Variants in CFAP70 observed in about 807,000 individuals in gnomAD.
CFAP70 encodes the protein cilia- and flagella-associated protein 70.
A neutral mutation model predicts 137.6 loss-of-function variants in CFAP70; 81 were observed. That is an observed-to-expected ratio of 0.59 (90% confidence interval 0.49 to 0.71). The LOEUF (loss-of-function observed/expected upper bound fraction) is 0.71. CFAP70 is among the 30% of genes least tolerant of loss of function. The probability of loss-of-function intolerance (pLI) is 0.00; values close to 1 mark genes in which losing one functional copy is unlikely to be tolerated. For missense variants in CFAP70, 976 were observed against 1,226.7 expected, an observed-to-expected ratio of 0.80 and a Z score of 3.05; for synonymous variants, 382 against 423.6, an observed-to-expected ratio of 0.90 and a Z score of 1.20.
chr10:73,293,483 C>A (rs530044053), intron 15 of CFAP70, 95 bp from the exon 17 acceptor site: 46 of 1,130,530 alleles, frequency 4.1e-5, no homozygotes, highest in Non-Finnish European at 5.6e-5. Context: ...CCAGTTATGA[C>A]GTCTAAAATG....
At chr10:73,348,504 A>C in exon 4 of CFAP70, 2 of 1,518,214 alleles carry the variant, frequency 1.3e-6, no homozygotes, top group South Asian at 2.7e-5. Context: ...TCCTTTGGTA[A>C]AACTTCAGTC....
chr10:73,333,469 C>T (rs368243296), intron 7 of CFAP70, among the ~76,000 whole-genome samples: 4 of 151,746 alleles, frequency 2.6e-5, no homozygotes, highest in African/African-American at 9.7e-5. Flanking sequence ...CTAGGCATAT[C>T]ATTTTCAAAC....
In CFAP70 at chr10:73,273,018, C is replaced by T; in HGVS notation, c.2836-1G>A. On this transcript the variant is annotated splice_acceptor_variant, in intron 23 of 26. Coordinates refer to ENST00000310715, the Ensembl canonical transcript of CFAP70. LOFTEE classifies it high-confidence loss of function. ...TATAGGTTTTCTTTGCCTTTTCATA[C>T]TGTAGAAAGAAAGCACCACTAAGCT... 3.2e-6 allele frequency: 5 copies of T among 1,549,294 alleles called. No homozygotes were observed. Among genetic ancestry groups the T allele is most frequent in the Non-Finnish European group, 4.4e-6 (5 of 1,146,228 alleles).
chr10:73,297,062 T>G, exon 15 of CFAP70: 2 of 1,613,796 alleles, frequency 1.2e-6, no homozygotes, highest in Non-Finnish European at 1.7e-6. Flanking sequence ...GCTACATGCA[T>G]CTGATCTACT....
intron 25 of CFAP70, among the ~76,000 whole-genome samples, chr10:73,262,733 G>T (rs1434059879): frequency 6.6e-6 from 1 of 152,160 alleles, no homozygotes; most frequent in Non-Finnish European, 1.5e-5. Flanking sequence ...TTTGTTACAG[G>T]TATCCACTGG....
chr10:73,293,444 G>T, intron 15 of CFAP70, 56 bp from the exon 17 acceptor site: 2 of 1,466,602 alleles, frequency 1.4e-6, no homozygotes, highest in Non-Finnish European at 1.8e-6. Flanking sequence ...AAGTAGAGAG[G>T]TTTCATAAGC....
At chr10:73,339,218 G>A (rs78745980) in intron 6 of CFAP70, among the ~76,000 whole-genome samples, 6,890 of 151,100 alleles carry the variant, frequency 0.046, 475 homozygotes, top group African/African-American at 0.15. Context: ...CCGCCCAGCC[G>A]AGATGACTAC....
Position 73,275,548 on chromosome 10 carries a change from G to A in CFAP70, c.2571C>T (p.Pro857=), listed in dbSNP as rs184670311. The change falls in exon 22 of 27, where the codon CCC becomes CCT. Residue 857 remains proline (P), a synonymous_variant. Coordinates refer to ENST00000310715, the Ensembl canonical transcript of CFAP70. This position sits in a 1 kb window ranked among gnomAD's most constrained non-coding sequence, Gnocchi z 4.0. ...CCAGCACCAAGTAATATTCACAGCTGGGGCCTCCTTGAGGGCATAACAGCT... is the reference window on the plus strand; with the variant it reads ...CCAGCACCAAGTAATATTCACAGCTAGGGCCTCCTTGAGGGCATAACAGCT... 30 of 1,611,118 alleles carry A rather than the reference G, an allele frequency of 1.9e-5. No individual in the cohort carries two copies. The highest frequency in any genetic ancestry group is 2.5e-5 in the Non-Finnish European group (30 of 1,178,866).
chr10:73,290,363 T>C lies in CFAP70; in HGVS notation c.2239+863A>G, dbSNP rs113265417. Among the ~76,000 whole-genome samples, 426 of 152,206 alleles carry C rather than the reference T, an allele frequency of 2.8e-3. 1 individual carries two copies. The highest frequency in any genetic ancestry group is 4.2e-3 in the Non-Finnish European group (284 of 68,012). ...CTAGAAAATGCAAACTTATCTATGATGATAGAAAGTAGACTAGTAGTTGTC... is the reference window on the plus strand; with the variant it reads ...CTAGAAAATGCAAACTTATCTATGACGATAGAAAGTAGACTAGTAGTTGTC... On this transcript the variant is annotated intron_variant, in intron 19 of 26. Transcript: ENST00000310715.
chr10:73,329,205 T>C (rs568570058), intron 8 of CFAP70, among the ~76,000 whole-genome samples: 2 of 152,164 alleles, frequency 1.3e-5, no homozygotes, highest in Admixed American at 6.5e-5. Context: ...ATGGATGAAA[T>C]TGGAAACCAT....
intron 12 of CFAP70, among the ~76,000 whole-genome samples, chr10:73,300,151 A>T (rs889190946): frequency 6.6e-6 from 1 of 152,206 alleles, no homozygotes; most frequent in Non-Finnish European, 1.5e-5. Context: ...GCTGCATTAA[A>T]TTACAATAAT....
At chr10:73,346,956 G>A (rs188418680) in intron 4 of CFAP70, 37 of 152,302 alleles carry the variant, frequency 2.4e-4, no homozygotes, top group African/African-American at 7.2e-4. Flanking sequence ...AAGGCAGTGA[G>A]TTATCTCAAC....
At position 73,333,643 on chromosome 10, in the gene CFAP70, C is replaced by T. The variant is rs75069922; in HGVS notation, c.677+1787G>A. 7.5e-3 allele frequency among the ~76,000 whole-genome samples: 1,138 copies of T among 152,200 alleles called. 13 individuals are homozygous for T. The highest frequency in any genetic ancestry group is 0.024 in the African/African-American group (1,003 of 41,540). On this transcript the variant is annotated intron_variant, in intron 7 of 26. Coordinates refer to ENST00000310715, the Ensembl canonical transcript of CFAP70. Reference sequence around the variant, plus strand: ...AGAAAAACCCGCCAACTTAGAATTCCGTACCTAATAAAATTATCCTTCAAA... The same window carrying T: ...AGAAAAACCCGCCAACTTAGAATTCTGTACCTAATAAAATTATCCTTCAAA...
At chr10:73,336,526 CA>C (rs1349208980) in intron 6 of CFAP70, among the ~76,000 whole-genome samples, 1 of 150,558 alleles carries the variant, frequency 6.6e-6, no homozygotes, top group Non-Finnish European at 1.5e-5. Flanking sequence ...ATGTTTCCAT[CA>C]GTGGATTATC....
At chr10:73,266,198 A>G (rs561679627) in intron 25 of CFAP70, among the ~76,000 whole-genome samples, 1 of 152,244 alleles carries the variant, frequency 6.6e-6, no homozygotes, top group South Asian at 2.1e-4. Flanking sequence ...AACTTTGTCC[A>G]TCCACTTCTT....
chr10:73,300,919 T>C (rs2048899968), intron 12 of CFAP70, among the ~76,000 whole-genome samples: 1 of 152,222 alleles, frequency 6.6e-6, no homozygotes, highest in South Asian at 2.1e-4. Context: ...GGTAGTTTTC[T>C]AGGTTTGGGA....
intron 9 of CFAP70, among the ~76,000 whole-genome samples, chr10:73,319,333 G>C (rs2050664466): frequency 6.6e-6 from 1 of 151,964 alleles, no homozygotes; most frequent in South Asian, 2.1e-4. Context: ...CTTCTTCCTG[G>C]GGTGCTTGGA....
chr10:73,273,735 G>A (rs943057748), intron 23 of CFAP70, among the ~76,000 whole-genome samples: 4 of 152,156 alleles, frequency 2.6e-5, no homozygotes, highest in Non-Finnish European at 4.4e-5. Context: ...ATACAGCATC[G>A]TAATTTCTTG....
chr10:73,328,420 T>C (rs1283901521), intron 8 of CFAP70, among the ~76,000 whole-genome samples: 2 of 150,960 alleles, frequency 1.3e-5, no homozygotes, highest in Non-Finnish European at 3.0e-5. Context: ...ATTCAGGACA[T>C]AGGCATGGGC....
Sources: gnomAD v4.1 joint callset for allele counts (sites outside exome capture counted in the v4.1 genomes callset) on GRCh38, gnomAD v4.1.1 for gene constraint, Gnocchi (gnomAD v3.1) non-coding constraint, MANE v1.5 for transcripts, NCBI Gene and HGNC (gene_info 2026-07-23, HGNC 2026-07-21) for gene names.